PCDH15: variants seen among roughly 807,000 people sequenced by gnomAD.
The protein encoded by PCDH15 is protocadherin-15.
In PCDH15, 129 loss-of-function variants were observed where a neutral mutation model predicts 178.5. That is an observed-to-expected ratio of 0.72 (90% CI 0.63 to 0.84). PCDH15 has a LOEUF of 0.84. Among genes scored for constraint, PCDH15 ranks in the 40% least tolerant of loss-of-function variants. The probability of loss-of-function intolerance (pLI) is 0.00; values close to 1 mark genes in which losing one functional copy is unlikely to be tolerated. For missense variants in PCDH15, 2,230 were observed against 2,099.9 expected (o/e 1.06, Z -1.21); for synonymous variants, 800 against 732.0 (o/e 1.09, Z -1.50).
At chr10:54,132,817 C>A in intron 15 of PCDH15, 58 bp downstream of exon 15, 1 of 1,559,054 alleles carries the variant, frequency 6.4e-7, no homozygotes, top group Non-Finnish European at 8.7e-7. Flanking sequence ...CATTAAATGC[C>A]AAGCTTGTCA....
intron 14 of PCDH15, among the ~76,000 whole-genome samples, chr10:54,139,476 G>A (rs12261390): frequency 0.015 from 2,347 of 152,078 alleles, 74 homozygotes; most frequent in African/African-American, 0.054. Context: ...ATTGTTTTTG[G>A]TGCTCATTGG....
chr10:54,689,856 C>A (rs898224538), intron 1 of PCDH15, among the ~76,000 whole-genome samples: 4 of 151,998 alleles, frequency 2.6e-5, no homozygotes, highest in African/African-American at 4.8e-5. Flanking sequence ...GTAAATAATT[C>A]TATTGGATGG....
At chr10:54,202,198 C>T (rs1291997871) in intron 10 of PCDH15, among the ~76,000 whole-genome samples, 8 of 152,084 alleles carry the variant, frequency 5.3e-5, no homozygotes, top group Admixed American at 5.2e-4. Flanking sequence ...CTCTTCCAGT[C>T]CACTCAACAC....
chr10:55,073,327 C>T (rs1841800289), intron 2 of PCDH15, among the ~76,000 whole-genome samples: 1 of 152,026 alleles, frequency 6.6e-6, no homozygotes, highest in Non-Finnish European at 1.5e-5. Context: ...TTGCAGATGA[C>T]ATGATTGTAT....
At chr10:54,653,252 A>G (rs1274402229) in intron 2 of PCDH15, among the ~76,000 whole-genome samples, 2 of 152,204 alleles carry the variant, frequency 1.3e-5, no homozygotes, top group Non-Finnish European at 2.9e-5. Context: ...CCACGTGACC[A>G]TTATTCATCT....
At chr10:55,312,178 G>A (rs144369238) in intron 1 of PCDH15, among the ~76,000 whole-genome samples, 6 of 151,974 alleles carry the variant, frequency 3.9e-5, no homozygotes, top group East Asian at 1.9e-4. Flanking sequence ...AAACCCATTC[G>A]TGTCATATCA....
intron 2 of PCDH15, among the ~76,000 whole-genome samples, chr10:54,646,570 C>T (rs371837289): frequency 6.6e-6 from 1 of 152,026 alleles, no homozygotes; most frequent in East Asian, 1.9e-4. Context: ...TCCTACACCA[C>T]TTATTACTAA....
At chr10:53,971,140 A>C (rs1293186543) in intron 21 of PCDH15, among the ~76,000 whole-genome samples, 1 of 152,208 alleles carries the variant, frequency 6.6e-6, no homozygotes, top group Non-Finnish European at 1.5e-5. Flanking sequence ...AACATACGCA[A>C]ATCAATAAAC....
chr10:55,136,841 A>G (rs1380787291), intron 2 of PCDH15, among the ~76,000 whole-genome samples: 1 of 152,186 alleles, frequency 6.6e-6, no homozygotes, highest in Non-Finnish European at 1.5e-5. Flanking sequence ...AAAATAAACA[A>G]TTAGGTGTTT....
intron 15 of PCDH15, among the ~76,000 whole-genome samples, chr10:54,132,063 T>C (rs1285444796): frequency 2.0e-5 from 3 of 152,176 alleles, no homozygotes; most frequent in African/African-American, 7.2e-5. Flanking sequence ...AATTCTCATA[T>C]CAGCAACTTC....
intron 3 of PCDH15, among the ~76,000 whole-genome samples, chr10:54,447,300 T>C (rs752404421): frequency 9.9e-5 from 15 of 151,670 alleles, no homozygotes; most frequent in South Asian, 4.1e-4. Flanking sequence ...TGTTATTCAC[T>C]GTAGTCACCA....
intron 3 of PCDH15, among the ~76,000 whole-genome samples, chr10:54,880,016 T>C (rs1218025611): frequency 2.0e-5 from 3 of 152,148 alleles, no homozygotes; most frequent in African/African-American, 4.8e-5. Flanking sequence ...ACTACCTCAC[T>C]AAAGTTAAAT....
At chr10:54,076,094 G>A (rs1259986255) in intron 17 of PCDH15, among the ~76,000 whole-genome samples, 1 of 151,990 alleles carries the variant, frequency 6.6e-6, no homozygotes, top group Non-Finnish European at 1.5e-5. Context: ...CCATGAACAT[G>A]GGATATTTTT....
rs1267372179 is a variant in PCDH15 at position 55,528,646 on chromosome 10, T to A, written c.-156+98979A>T. ...TTTCATTGTTGGACATTTGGGTTGG[T>A]TCCAAGCCTTTGCTATTGTGAATAG... is the stretch of plus-strand genomic sequence containing the variant. On this transcript the variant is annotated intron_variant, in intron 2 of 5. Transcript: ENST00000613346. Among the ~76,000 whole-genome samples the A allele has an allele frequency of 2.0e-5, 3 of 152,164 alleles. No individual in the cohort carries two copies. In the East Asian group the frequency reaches 5.8e-4, roughly 29 times the overall value.
intron 19 of PCDH15, among the ~76,000 whole-genome samples, chr10:54,022,490 T>C (rs948600171): frequency 5.3e-5 from 8 of 152,090 alleles, no homozygotes; most frequent in Non-Finnish European, 1.0e-4. Flanking sequence ...TTTTTGACAT[T>C]TGTGTGAACA....
At chr10:54,942,452 G>T (rs1347838106) in intron 2 of PCDH15, among the ~76,000 whole-genome samples, 1 of 151,908 alleles carries the variant, frequency 6.6e-6, no homozygotes, top group African/African-American at 2.4e-5. Flanking sequence ...CTGGGGACCA[G>T]GTTCATAGCT....
At chr10:53,958,047 G>A (rs896073121) in intron 23 of PCDH15, among the ~76,000 whole-genome samples, 13 of 152,154 alleles carry the variant, frequency 8.5e-5, no homozygotes, top group Non-Finnish European at 2.9e-5. Flanking sequence ...GCTTGGTTCA[G>A]TGGGTTAAGT....
At chr10:55,627,191 T>C (rs1443676423) in intron 2 of PCDH15, among the ~76,000 whole-genome samples, 1 of 142,566 alleles carries the variant, frequency 7.0e-6, no homozygotes, top group Non-Finnish European at 1.5e-5. Flanking sequence ...ATTCACTACA[T>C]GTGGACATTA....
At chr10:55,302,305 A>G (rs1843307356) in intron 1 of PCDH15, among the ~76,000 whole-genome samples, 1 of 152,140 alleles carries the variant, frequency 6.6e-6, no homozygotes, top group African/African-American at 2.4e-5. Flanking sequence ...AACACTGCAT[A>G]TGTTTTACTA....
Sources: allele counts gnomAD v4.1 joint callset (sites outside exome capture counted in the v4.1 genomes callset), GRCh38; gene constraint gnomAD v4.1.1; transcripts MANE v1.5; gene names NCBI Gene and HGNC (gene_info 2026-07-23, HGNC 2026-07-21).